The following PTPRD variants were observed in gnomAD, a reference collection of about 807,000 sequenced individuals.
PTPRD encodes the protein receptor-type tyrosine-protein phosphatase delta.
In PTPRD, 34 loss-of-function variants were observed where a neutral mutation model predicts 214.5. The observed-to-expected ratio is 0.16, with a 90% CI of 0.12 to 0.21. PTPRD has a LOEUF of 0.21. Ranked by LOEUF, PTPRD falls within the 10% of genes least tolerant of loss-of-function variation. The pLI is 1.00. For missense variants in PTPRD, 2,545 were observed against 2,398.7 expected, an observed-to-expected ratio of 1.06 and a Z score of -1.27; for synonymous variants, 1,128 against 845.7, an observed-to-expected ratio of 1.33 and a Z score of -5.79.
At chr9:8,362,612 A>C (rs943317653) in intron 39 of PTPRD, among the ~76,000 whole-genome samples, 1 of 152,216 alleles carries the variant, frequency 6.6e-6, no homozygotes, top group African/African-American at 2.4e-5. Flanking sequence ...CCACCTATAA[A>C]CCAAAATTTG....
intron 11 of PTPRD, among the ~76,000 whole-genome samples, chr9:9,014,155 G>C (rs2099523418): frequency 6.8e-6 from 1 of 147,960 alleles, no homozygotes; most frequent in South Asian, 2.1e-4. Context: ...ATGAATAACT[G>C]TTTGGTCCAT....
chr9:10,051,294 TA>T (rs1307091106), intron 3 of PTPRD, among the ~76,000 whole-genome samples: 1 of 152,150 alleles, frequency 6.6e-6, no homozygotes, highest in African/African-American at 2.4e-5. Flanking sequence ...TACTATTTTT[TA>T]AAGTATTAGA....
chr9:9,858,193 A>G (rs2061938321), intron 5 of PTPRD, among the ~76,000 whole-genome samples: 1 of 152,234 alleles, frequency 6.6e-6, no homozygotes, highest in African/African-American at 2.4e-5. Context: ...TCATTAAAAT[A>G]CGGATTATTT....
At position 10,542,033 on chromosome 9, in the gene PTPRD, C is replaced by T. The variant is rs140698698; in HGVS notation, c.-600+70365G>A. ...ACATAGTAATTAATAAATTAATGCA[C>T]GTGGCCAATTATTTCTCAAGGTGAG... On this transcript the variant is annotated intron_variant, in intron 2 of 45. Transcript: ENST00000381196. Among the ~76,000 whole-genome samples the T allele has an allele frequency of 9.9e-5, 15 of 152,132 alleles. No homozygotes were observed. In the East Asian group the frequency reaches 2.5e-3, roughly 25 times the overall value.
chr9:8,516,748 C>T (rs1039892650), intron 21 of PTPRD, among the ~76,000 whole-genome samples: 1 of 151,196 alleles, frequency 6.6e-6, no homozygotes, highest in Non-Finnish European at 1.5e-5. Context: ...TTAAAAGATG[C>T]CAACACAATA....
intron 11 of PTPRD, among the ~76,000 whole-genome samples, chr9:8,926,799 T>A (rs1443833074): frequency 6.6e-6 from 1 of 152,198 alleles, no homozygotes; most frequent in Non-Finnish European, 1.5e-5. Context: ...TCTGAAAACA[T>A]CTCTAAGCAT....
chr9:10,596,476 T>C (rs10959188), intron 2 of PTPRD, among the ~76,000 whole-genome samples: 165 of 151,854 alleles, frequency 1.1e-3, no homozygotes, highest in African/African-American at 3.5e-3. Flanking sequence ...TAATGTTTTA[T>C]GGTTATAAAC....
intron 12 of PTPRD, among the ~76,000 whole-genome samples, chr9:8,688,733 T>C (rs1263798670): frequency 2.6e-5 from 4 of 152,312 alleles, no homozygotes; most frequent in Admixed American, 1.3e-4. Flanking sequence ...TACATTCTTT[T>C]TGTAGAACAC....
rs542541979 is a variant in PTPRD at position 8,587,828 on chromosome 9, G to A, written c.352+45489C>T. 1.1e-3 allele frequency among the ~76,000 whole-genome samples: 168 copies of A among 152,296 alleles called. 3 individuals carry two copies. Among genetic ancestry groups the A allele is most frequent in the African/African-American group, 3.8e-3 (158 of 41,572 alleles). On this transcript the variant is annotated intron_variant, in intron 14 of 45. Coordinates refer to ENST00000381196, the MANE Select transcript of PTPRD (RefSeq NM_002839.4). The stretch of plus-strand genomic sequence containing the variant: ...TTAAAGATCCATAAATATAAATCCC[G>A]ACTGTGGCAAATAATTTTCTGAATG...
Position 8,314,514 on chromosome 9 carries a change from G to C in PTPRD, c.*3360C>G. On this transcript the variant is annotated 3_prime_UTR_variant, in exon 46 of 46. Transcript: ENST00000381196. ...AAAGAACACAACTGTTATTATCTTTGTAAAGACACTCCAAGCTGGGATGGC... is the reference window on the plus strand; with the variant it reads ...AAAGAACACAACTGTTATTATCTTTCTAAAGACACTCCAAGCTGGGATGGC... 1 of 231,934 alleles carries C rather than the reference G, an allele frequency of 4.3e-6. No individual in the cohort carries two copies. The highest frequency in any genetic ancestry group is 8.5e-6 in the Non-Finnish European group (1 of 116,970). 14.4% of individuals were successfully genotyped at this position (231,934 alleles called of 1,614,324 possible).
intron 12 of PTPRD, among the ~76,000 whole-genome samples, chr9:8,715,386 C>A (rs1259598721): frequency 6.6e-6 from 1 of 152,182 alleles, no homozygotes; most frequent in East Asian, 1.9e-4. Flanking sequence ...CAGACCCTAC[C>A]TGTTCCCATC....
chr9:8,817,577 G>A (rs75587654), intron 11 of PTPRD, among the ~76,000 whole-genome samples: 1,779 of 152,246 alleles, frequency 0.012, 40 homozygotes, highest in African/African-American at 0.04. Flanking sequence ...AATGCAGTGA[G>A]CTGTGATCAC....
intron 8 of PTPRD, among the ~76,000 whole-genome samples, chr9:9,408,979 T>TCAGTATTTA (rs2074479247): frequency 6.6e-6 from 1 of 151,950 alleles, no homozygotes; most frequent in Non-Finnish European, 1.5e-5. Context: ...TTTTAAAAGA[T>TCAGTATTTA]CAGTATTTAT....
chr9:10,318,578 T>C (rs1418983775), intron 3 of PTPRD, among the ~76,000 whole-genome samples: 10 of 152,010 alleles, frequency 6.6e-5, no homozygotes, highest in East Asian at 5.8e-4. Flanking sequence ...GCTAGCTACA[T>C]TGGAGTCCAC....
At chr9:8,648,079 A>G (rs114614893) in intron 12 of PTPRD, among the ~76,000 whole-genome samples, 3,876 of 152,314 alleles carry the variant, frequency 0.025, 142 homozygotes, top group African/African-American at 0.089. Flanking sequence ...CACACGCATT[A>G]CAACAGGACA....
intron 10 of PTPRD, among the ~76,000 whole-genome samples, chr9:9,087,383 G>A (rs2099768630): frequency 6.6e-6 from 1 of 152,082 alleles, no homozygotes; most frequent in African/African-American, 2.4e-5. Context: ...CCATTTTTCA[G>A]TGGTTTACCG....
At chr9:10,545,737 G>T (rs80266864) in intron 2 of PTPRD, among the ~76,000 whole-genome samples, 6 of 152,066 alleles carry the variant, frequency 3.9e-5, no homozygotes, top group African/African-American at 1.4e-4. Flanking sequence ...AGTTTTCTCT[G>T]GAAGAACCCC....
At chr9:9,429,094 A>G (rs1321496795) in intron 8 of PTPRD, among the ~76,000 whole-genome samples, 1 of 152,146 alleles carries the variant, frequency 6.6e-6, no homozygotes, top group African/African-American at 2.4e-5. Flanking sequence ...AAAACCCTTC[A>G]AAAATCAATG....
At chr9:8,499,903 T>C in intron 24 of PTPRD, 63 bp from the exon 25 acceptor site, 1 of 1,396,620 alleles carries the variant, frequency 7.2e-7, no homozygotes, top group Non-Finnish European at 9.6e-7. Context: ...CAGAGCATTT[T>C]CTGCATTTTC....
Sources: gnomAD v4.1 joint callset for allele counts (sites outside exome capture counted in the v4.1 genomes callset) on GRCh38, gnomAD v4.1.1 for gene constraint, MANE v1.5 for transcripts, NCBI Gene and HGNC (gene_info 2026-07-23, HGNC 2026-07-21) for gene names.